CCSER1: variants seen among roughly 807,000 people sequenced by gnomAD.
CCSER1 encodes the protein coiled-coil serine rich protein 1, also known as serine-rich coiled-coil domain-containing protein 1.
A neutral mutation model predicts 82.0 loss-of-function variants in CCSER1; 41 were observed. That is an observed-to-expected ratio of 0.50 (90% CI 0.39 to 0.65). The LOEUF is 0.65. Ranked by LOEUF, CCSER1 falls within the 30% of genes least tolerant of loss-of-function variation. The pLI is 0.00. For synonymous variants in CCSER1, 414 were observed against 383.9 expected, an observed-to-expected ratio of 1.08 and a Z score of -0.92; for missense variants, 1,119 against 1,064.2, an observed-to-expected ratio of 1.05 and a Z score of -0.72.
At chr4:91,271,406 C>G (rs1742012726) in intron 10 of CCSER1, among the ~76,000 whole-genome samples, 1 of 152,126 alleles carries the variant, frequency 6.6e-6, no homozygotes, top group Non-Finnish European at 1.5e-5. Context: ...AGTCTTTCAT[C>G]TCTCACCCCC....
At chr4:91,414,886 A>G (rs1336724157) in intron 10 of CCSER1, among the ~76,000 whole-genome samples, 1 of 152,296 alleles carries the variant, frequency 6.6e-6, no homozygotes, top group East Asian at 1.9e-4. Context: ...ATGTAAGTAT[A>G]AGTAAGTGCA....
intron 9 of CCSER1, among the ~76,000 whole-genome samples, chr4:90,932,131 CT>C (rs1239366570): frequency 6.6e-6 from 1 of 151,974 alleles, no homozygotes; most frequent in East Asian, 1.9e-4. Context: ...AAATTTTACT[CT>C]TTTTTCATGC....
intron 5 of CCSER1, 78 bp from the exon 6 acceptor site, chr4:90,627,947 A>T: frequency 9.5e-7 from 1 of 1,050,272 alleles, no homozygotes; most frequent in East Asian, 2.4e-5. Flanking sequence ...GATACTAGAA[A>T]CATTGATTAA....
intron 10 of CCSER1, among the ~76,000 whole-genome samples, chr4:91,354,110 T>C (rs1748660376): frequency 6.6e-6 from 1 of 152,170 alleles, no homozygotes; most frequent in Non-Finnish European, 1.5e-5. Context: ...GCTTGACCAG[T>C]TTTATTAGCA....
At chr4:90,794,405 T>C (rs1424613710) in intron 7 of CCSER1, among the ~76,000 whole-genome samples, 3 of 152,192 alleles carry the variant, frequency 2.0e-5, no homozygotes, top group African/African-American at 7.2e-5. Flanking sequence ...CCCAGCACCA[T>C]TTATTGAATA....
At chr4:90,448,797 C>G (rs1250512646) in intron 4 of CCSER1, among the ~76,000 whole-genome samples, 2 of 152,042 alleles carry the variant, frequency 1.3e-5, no homozygotes, top group African/African-American at 2.4e-5. Flanking sequence ...CTCTCCTTCT[C>G]TCTTTTGTCT....
At chr4:90,760,488 A>G (rs953177921) in intron 7 of CCSER1, among the ~76,000 whole-genome samples, 1 of 152,010 alleles carries the variant, frequency 6.6e-6, no homozygotes, top group Non-Finnish European at 1.5e-5. Flanking sequence ...TGAACAAATA[A>G]CAAAAAGTAA....
At chr4:90,723,004 T>A (rs17017459) in intron 6 of CCSER1, among the ~76,000 whole-genome samples, 34,425 of 151,846 alleles carry the variant, frequency 0.23, 4,930 homozygotes, top group African/African-American at 0.4. Flanking sequence ...TTGGTTTTAA[T>A]CTTCACTGCA....
chr4:91,498,544 T>A (rs1759049601), intron 10 of CCSER1, among the ~76,000 whole-genome samples: 1 of 151,806 alleles, frequency 6.6e-6, no homozygotes, highest in African/African-American at 2.4e-5. Context: ...GTAATAATAA[T>A]TGATAAATAT....
chr4:90,914,007 A>AC (rs1454574051), intron 8 of CCSER1, among the ~76,000 whole-genome samples: 2 of 152,196 alleles, frequency 1.3e-5, no homozygotes, highest in Non-Finnish European at 2.9e-5. Context: ...GTCCTTGGAG[A>AC]CCTACAAAGA....
intron 10 of CCSER1, among the ~76,000 whole-genome samples, chr4:91,390,792 T>C (rs1167391342): frequency 3.3e-5 from 5 of 152,024 alleles, no homozygotes; most frequent in South Asian, 2.1e-4. Flanking sequence ...GTTTATTTTT[T>C]CTTGAGTGAG....
At chr4:91,486,851 G>A (rs909566228) in intron 10 of CCSER1, among the ~76,000 whole-genome samples, 21 of 152,036 alleles carry the variant, frequency 1.4e-4, no homozygotes, top group Non-Finnish European at 2.8e-4. Context: ...TTTCCTGCTA[G>A]TTATAGATAT....
intron 6 of CCSER1, among the ~76,000 whole-genome samples, chr4:90,672,321 CACTT>C (rs538118976): frequency 1.7e-3 from 255 of 152,192 alleles, no homozygotes; most frequent in Non-Finnish European, 3.0e-3. Flanking sequence ...TCTTCATCAA[CACTT>C]ACTGCTTCAC....
chr4:90,933,180 T>A (rs1442293323), intron 9 of CCSER1, among the ~76,000 whole-genome samples: 1 of 102,642 alleles, frequency 9.7e-6, no homozygotes, highest in Non-Finnish European at 1.9e-5. Flanking sequence ...TGTGTGTGTG[T>A]GTGATTTTAT....
chr4:90,763,780 C>A (rs980913696), intron 7 of CCSER1, among the ~76,000 whole-genome samples: 6 of 152,140 alleles, frequency 3.9e-5, no homozygotes, highest in African/African-American at 1.4e-4. Flanking sequence ...TCTTTGCCCT[C>A]TCCCCAGATG....
intron 8 of CCSER1, among the ~76,000 whole-genome samples, chr4:90,908,562 C>A (rs769507701): frequency 2.4e-4 from 37 of 151,988 alleles, no homozygotes; most frequent in Admixed American, 1.3e-4. Context: ...ATATGTTATA[C>A]TTAAATTAAT....
intron 10 of CCSER1, among the ~76,000 whole-genome samples, chr4:91,267,303 TC>T: frequency 6.6e-6 from 1 of 152,278 alleles, no homozygotes; most frequent in South Asian, 2.1e-4. Context: ...TTGGGGGGGT[TC>T]TTTTCTCTGT....
At chr4:91,548,081 G>A (rs561646949) in intron 10 of CCSER1, among the ~76,000 whole-genome samples, 23 of 152,166 alleles carry the variant, frequency 1.5e-4, no homozygotes, top group African/African-American at 4.1e-4. Flanking sequence ...GAGCCACTGC[G>A]CCTGGCCCTT....
chr4:90,328,152 A>G (rs749866295), intron 3 of CCSER1, among the ~76,000 whole-genome samples: 5 of 152,184 alleles, frequency 3.3e-5, no homozygotes, highest in Non-Finnish European at 7.3e-5. Context: ...TTTCTATTAT[A>G]TTGGAAATCT....
Sources: gnomAD v4.1 joint callset for allele counts (sites outside exome capture counted in the v4.1 genomes callset) on GRCh38, gnomAD v4.1.1 for gene constraint, MANE v1.5 for transcripts, NCBI Gene and HGNC (gene_info 2026-07-23, HGNC 2026-07-21) for gene names.